Variants in GBE1 observed in about 807,000 individuals in gnomAD.
GBE1 encodes 1,4-alpha-glucan-branching enzyme.
In GBE1, 70 loss-of-function variants were observed where a neutral mutation model predicts 88.8. The observed-to-expected ratio is 0.79, with a 90% confidence interval of 0.65 to 0.96. The LOEUF (loss-of-function observed/expected upper bound fraction) is 0.96. Ranked by LOEUF, GBE1 falls within the 40% of genes least tolerant of loss-of-function variation. The pLI is 0.00. For synonymous variants in GBE1, 284 were observed against 300.1 expected (o/e 0.95, Z 0.56); for missense variants, 872 against 871.0 (o/e 1.00, Z -0.01).
intron 3 of GBE1, among the ~76,000 whole-genome samples, chr3:81,653,675 T>C (rs894077030): frequency 2.6e-5 from 4 of 152,222 alleles, no homozygotes; most frequent in African/African-American, 9.6e-5. Context: ...AAAAATATAC[T>C]ATTTAAGCAT....
At chr3:81,492,488 A>C (rs1448899394) in intron 15 of GBE1, among the ~76,000 whole-genome samples, 3 of 152,040 alleles carry the variant, frequency 2.0e-5, no homozygotes, top group Admixed American at 6.5e-5. Flanking sequence ...GAAAAAAAAA[A>C]CAGCCTGATT....
At chr3:81,709,650 T>G (rs180872144) in intron 1 of GBE1, among the ~76,000 whole-genome samples, 105 of 152,310 alleles carry the variant, frequency 6.9e-4, no homozygotes, top group African/African-American at 2.4e-3. Flanking sequence ...TTTAGGAAGT[T>G]TCTTAAAGTA....
chr3:81,571,785 AACT>A (rs1703578477), intron 12 of GBE1, among the ~76,000 whole-genome samples: 1 of 152,228 alleles, frequency 6.6e-6, no homozygotes, highest in African/African-American at 2.4e-5. Context: ...TACGTTATGA[AACT>A]AAAGAAGAAG....
At chr3:81,515,876 G>A (rs1702792444) in intron 14 of GBE1, among the ~76,000 whole-genome samples, 1 of 151,578 alleles carries the variant, frequency 6.6e-6, no homozygotes, top group South Asian at 2.1e-4. Context: ...AATCCAGCAA[G>A]GCCCTAGCTC....
intron 1 of GBE1, among the ~76,000 whole-genome samples, chr3:81,722,247 T>C (rs1157834028): frequency 6.6e-6 from 1 of 152,148 alleles, no homozygotes; most frequent in African/African-American, 2.4e-5. Flanking sequence ...AAGTGTTGGA[T>C]CTACATTTAG....
At chr3:81,685,015 T>C (rs957751930) in intron 2 of GBE1, among the ~76,000 whole-genome samples, 1 of 152,202 alleles carries the variant, frequency 6.6e-6, no homozygotes, top group African/African-American at 2.4e-5. Context: ...TTAACCTTGG[T>C]GTTATAGCCT....
At chr3:81,666,157 A>G (rs1705111384) in intron 3 of GBE1, among the ~76,000 whole-genome samples, 1 of 152,178 alleles carries the variant, frequency 6.6e-6, no homozygotes, top group African/African-American at 2.4e-5. Flanking sequence ...TAGGCACAGT[A>G]TAATCATATT....
chr3:81,658,774 G>C (rs144173537), intron 3 of GBE1, among the ~76,000 whole-genome samples: 1 of 152,268 alleles, frequency 6.6e-6, no homozygotes, highest in African/African-American at 2.4e-5. Flanking sequence ...ACCTTACAAA[G>C]TGAGGTCACT....
intron 7 of GBE1, among the ~76,000 whole-genome samples, chr3:81,603,223 T>C (rs1271278445): frequency 1.3e-5 from 2 of 152,190 alleles, no homozygotes; most frequent in African/African-American, 4.8e-5. Context: ...TCATTAAATA[T>C]ACATATTTAT....
Position 81,655,818 on chromosome 3 carries a change from C to G in GBE1, c.430-5897G>C, listed in dbSNP as rs116169404. ...TACAGGGCTGAGCCACCACGCCCAG[C>G]CAAATGTGTGTTTTTAATAGTCACA... On this transcript the variant is annotated intron_variant, in intron 3 of 15. Transcript: ENST00000429644. Among the ~76,000 whole-genome samples the G allele has an allele frequency of 9.5e-3, 1,439 of 152,194 alleles. 17 individuals carry two copies. Among genetic ancestry groups the G allele is most frequent in the African/African-American group, 0.033 (1,372 of 41,520 alleles).
intron 9 of GBE1, among the ~76,000 whole-genome samples, chr3:81,589,291 T>G (rs1460430026): frequency 6.6e-6 from 1 of 151,944 alleles, no homozygotes; most frequent in Non-Finnish European, 1.5e-5. Context: ...AGGTTGCAAT[T>G]TTTGTAATTG....
chr3:81,691,424 T>G (rs1705518861), intron 2 of GBE1, among the ~76,000 whole-genome samples: 1 of 152,202 alleles, frequency 6.6e-6, no homozygotes, highest in East Asian at 1.9e-4. Context: ...TACTCTGAGA[T>G]ACTTTGTGCT....
chr3:81,737,715 C>G (rs146798949), intron 1 of GBE1, among the ~76,000 whole-genome samples: 168 of 147,788 alleles, frequency 1.1e-3, no homozygotes, highest in African/African-American at 3.8e-3. Context: ...ATGTATCAGT[C>G]TCTCGTAGAT....
chr3:81,553,175 A>ATT (rs1703296159), intron 12 of GBE1, among the ~76,000 whole-genome samples: 2 of 152,186 alleles, frequency 1.3e-5, no homozygotes, highest in African/African-American at 4.8e-5. Context: ...AATGAAGTGT[A>ATT]TTTATTACTG....
At chr3:81,670,073 T>C (rs955858291) in intron 3 of GBE1, among the ~76,000 whole-genome samples, 10 of 152,314 alleles carry the variant, frequency 6.6e-5, no homozygotes, top group Non-Finnish European at 7.4e-5. Context: ...ATTATATAAT[T>C]ATATGACCAT....
At chr3:81,584,906 T>A (rs2106943474) in intron 10 of GBE1, among the ~76,000 whole-genome samples, 1 of 152,104 alleles carries the variant, frequency 6.6e-6, no homozygotes. Context: ...AGCAGGAGGT[T>A]AAAAAGTAAG....
chr3:81,631,500 G>T (rs1434943999), intron 7 of GBE1, among the ~76,000 whole-genome samples: 1 of 151,866 alleles, frequency 6.6e-6, no homozygotes, highest in East Asian at 1.9e-4. Context: ...ACTTTGGAAG[G>T]CCAAGGTGGG....
At chr3:81,550,785 T>C (rs993179326) in intron 12 of GBE1, among the ~76,000 whole-genome samples, 3 of 152,252 alleles carry the variant, frequency 2.0e-5, no homozygotes, top group Non-Finnish European at 4.4e-5. Context: ...CTCTATGTGG[T>C]CTTAAAAGAG....
Position 81,577,928 on chromosome 3 carries a change from T to C in GBE1, c.1615A>G (p.Met539Val). The change falls in exon 12 of 16, where the codon ATG becomes GTG. Residue 539 changes from methionine (M) to valine (V), a missense_variant. By Grantham distance (21) the Met-to-Val change is conservative (BLOSUM62 1). Transcript: ENST00000429644. ...GLGGEGYLNF[M>V]GNEFGHPEWL... ...TATGTGTTTAACTCACACTTACCCA[T>C]GAAATTGAGATAGCCTTCTCCACCA... 6 of 1,591,982 alleles carry C rather than the reference T, an allele frequency of 3.8e-6. No homozygotes were observed. The highest frequency in any genetic ancestry group is 1.8e-5 in the Admixed American group (1 of 55,296).
Sources: gnomAD v4.1 joint callset for allele counts (sites outside exome capture counted in the v4.1 genomes callset) on GRCh38, gnomAD v4.1.1 for gene constraint, MANE v1.5 for transcripts, NCBI Gene and HGNC (gene_info 2026-07-23, HGNC 2026-07-21) for gene names.